MACROH2A1: variants seen among roughly 807,000 people sequenced by gnomAD.
The protein encoded by MACROH2A1 is macroH2A.1 histone, also known as core histone macro-H2A.1.
MACROH2A1 carries 2 observed loss-of-function variants against 31.6 expected under a neutral mutation model. That is an observed-to-expected ratio of 0.06 (90% CI 0.03 to 0.20). The LOEUF (loss-of-function observed/expected upper bound fraction) is 0.20, where lower values mean the gene tolerates loss of function less well. Among genes scored for constraint, MACROH2A1 ranks in the 10% least tolerant of loss-of-function variants. The pLI is 1.00. For missense variants in MACROH2A1, 230 were observed against 474.0 expected (o/e 0.49, Z 4.78); for synonymous variants, 169 against 189.6 (o/e 0.89, Z 0.89).
At chr5:135,339,314 G>A (rs989046931) in intron 8 of MACROH2A1, among the ~76,000 whole-genome samples, 3 of 152,060 alleles carry the variant, frequency 2.0e-5, no homozygotes, top group African/African-American at 4.8e-5. Flanking sequence ...CTTGTCCCAC[G>A]GTCCTGTCTG....
chr5:135,394,053 A>G (rs1394956334), intron 1 of MACROH2A1, among the ~76,000 whole-genome samples: 3 of 152,156 alleles, frequency 2.0e-5, no homozygotes, highest in Non-Finnish European at 2.9e-5. Flanking sequence ...TGTAGACCCC[A>G]TGAATAAGGT....
intron 7 of MACROH2A1, 45 bp from the exon 8 acceptor site, chr5:135,343,479 T>C (rs1760271440): frequency 1.2e-6 from 2 of 1,606,462 alleles, no homozygotes; most frequent in Middle Eastern, 1.7e-4. Flanking sequence ...TCTGGTTCAC[T>C]GCAAAGCACA....
At chr5:135,355,535 T>C (rs1180370869) in intron 5 of MACROH2A1, 2 of 253,570 alleles carry the variant, frequency 7.9e-6, no homozygotes, top group Non-Finnish European at 1.6e-5. Context: ...TGTGTACAAA[T>C]ATGTATTTTT....
chr5:135,360,417 C>T, intron 5 of MACROH2A1, 80 bp downstream of exon 5: 8 of 963,574 alleles, frequency 8.3e-6, no homozygotes, highest in Non-Finnish European at 1.3e-5. Context: ...CCGGGATCCC[C>T]CCAGCCTTCC....
intron 8 of MACROH2A1, among the ~76,000 whole-genome samples, chr5:135,337,192 C>A (rs1207391213): frequency 6.6e-6 from 1 of 152,266 alleles, no homozygotes; most frequent in Non-Finnish European, 1.5e-5. Flanking sequence ...CTACTGCAAA[C>A]AGCAGTTGTC....
At chr5:135,345,703 C>A in intron 7 of MACROH2A1, 1 of 414,578 alleles carries the variant, frequency 2.4e-6, no homozygotes. Context: ...AAACTCAGCT[C>A]CTATAATTTC....
intron 4 of MACROH2A1, chr5:135,361,191 C>T (rs1762804190): frequency 5.8e-6 from 1 of 173,880 alleles, no homozygotes; most frequent in Non-Finnish European, 1.2e-5. Context: ...CAGCTTCTTC[C>T]TCAGCATTAT....
intron 1 of MACROH2A1, among the ~76,000 whole-genome samples, chr5:135,390,118 A>G (rs1416590139): frequency 1.3e-5 from 2 of 152,168 alleles, no homozygotes; most frequent in Non-Finnish European, 1.5e-5. Context: ...GTTCCCCCCA[A>G]ATACCCTTCC....
At chr5:135,351,719 A>C (rs969327389) in intron 6 of MACROH2A1, among the ~76,000 whole-genome samples, 1 of 150,302 alleles carries the variant, frequency 6.7e-6, no homozygotes, top group Non-Finnish European at 1.5e-5. Context: ...CGTGTCACCA[A>C]GCCCAGCTAA....
At chr5:135,349,462 A>ACTTTCCATCCAGTTTGT (rs1362586855) in intron 6 of MACROH2A1, among the ~76,000 whole-genome samples, 1 of 152,136 alleles carries the variant, frequency 6.6e-6, no homozygotes, top group Non-Finnish European at 1.5e-5. Context: ...GCAAATTCTG[A>ACTTTCCATCCAGTTTGT]CTTTCCATCC....
chr5:135,343,624 G>A, intron 7 of MACROH2A1, 190 bp from the exon 8 acceptor site: 1 of 870,872 alleles, frequency 1.1e-6, no homozygotes, highest in Non-Finnish European at 1.7e-6. Context: ...CACACCCTTG[G>A]AAAGTTGGCA....
At chr5:135,358,781 G>C (rs1762480308) in intron 5 of MACROH2A1, 1 of 980,894 alleles carries the variant, frequency 1.0e-6, no homozygotes, top group Non-Finnish European at 1.2e-6. Flanking sequence ...TCTGAGTAGG[G>C]AACAGTCATT....
chr5:135,375,180 T>G (rs1490875731), intron 2 of MACROH2A1, among the ~76,000 whole-genome samples: 1 of 152,222 alleles, frequency 6.6e-6, no homozygotes, highest in African/African-American at 2.4e-5. Context: ...CCAGGGCCAG[T>G]CTCTGGCAAC....
At chr5:135,360,645 G>A (rs748953563) in intron 4 of MACROH2A1, 38 bp from the exon 5 acceptor site, 2 of 1,397,744 alleles carry the variant, frequency 1.4e-6, no homozygotes, top group Non-Finnish European at 2.0e-6. Flanking sequence ...GGGCCACACA[G>A]ACACAGGCAT....
rs1222653995 is a variant in MACROH2A1 at position 135,370,123 on chromosome 5, A to T, written c.192T>A (p.Ala64=). ...TCTTGTTGTCTCTCGCTGCATTGCC[A>T]GCCAGCTCCAGAATCTCCGCTGTGG... The part of the protein sequence containing the change: ...EYLTAEILEL[A]GNAARDNKKG... The change falls in exon 3 of 9, where the codon GCT becomes GCA. Residue 64 remains alanine (A), a synonymous_variant. Coordinates refer to ENST00000511689, the MANE Select transcript of MACROH2A1 (RefSeq NM_138610.3). 6.2e-7 allele frequency: 1 copy of T among 1,612,496 alleles called. No individual in the cohort carries two copies. The highest frequency in any genetic ancestry group is 8.5e-7 in the Non-Finnish European group (1 of 1,178,916).
intron 5 of MACROH2A1, chr5:135,354,025 A>C (rs1454448874): frequency 2.0e-5 from 3 of 152,192 alleles, no homozygotes; most frequent in Non-Finnish European, 4.4e-5. Context: ...GACATTGCTC[A>C]CTCTTCAGTA....
rs1336626501 is a variant in MACROH2A1 at position 135,398,524 on chromosome 5, TC to T, written c.-34+537del. On this transcript the variant is annotated intron_variant, in intron 1 of 8. Transcript: ENST00000511689. This position sits in a 1 kb window ranked among gnomAD's most constrained non-coding sequence, Gnocchi z 4.6. The stretch of plus-strand genomic sequence containing the variant: ...TCAATCCCGCGAGTAGCCCCCGCCT[TC>T]CCCTCCCTGCAGATAGCGAGCCAGA... Among the ~76,000 whole-genome samples the T allele has an allele frequency of 2.0e-5, 3 of 152,142 alleles. No individual in the cohort carries two copies. The highest frequency in any genetic ancestry group is 3.4e-3 in the Middle Eastern group (1 of 294).
At chr5:135,376,752 G>A (rs759608349) in intron 2 of MACROH2A1, among the ~76,000 whole-genome samples, 4 of 152,228 alleles carry the variant, frequency 2.6e-5, no homozygotes, top group Non-Finnish European at 5.9e-5. Context: ...AGGCTTATGA[G>A]ATTAATGAGT....
chr5:135,348,864 C>G (rs1310464682), intron 6 of MACROH2A1, among the ~76,000 whole-genome samples: 2 of 152,176 alleles, frequency 1.3e-5, no homozygotes, highest in Admixed American at 6.5e-5. Context: ...GCCCAGATTG[C>G]TCCTGTGGCT....
Sources: gnomAD v4.1 joint callset for allele counts (sites outside exome capture counted in the v4.1 genomes callset) on GRCh38, gnomAD v4.1.1 for gene constraint, Gnocchi (gnomAD v3.1) non-coding constraint, MANE v1.5 for transcripts, NCBI Gene and HGNC (gene_info 2026-07-23, HGNC 2026-07-21) for gene names.